The following PDE11A variants were observed in gnomAD, a reference collection of about 807,000 sequenced individuals.
The protein encoded by PDE11A is dual 3',5'-cyclic-AMP and -GMP phosphodiesterase 11A.
Under a neutral mutation model 100.5 loss-of-function variants are expected in PDE11A, and 100 were observed. The observed-to-expected ratio is 1.00, with a 90% CI of 0.85 to 1.18. The LOEUF (loss-of-function observed/expected upper bound fraction) is 1.18. Among genes scored for constraint, PDE11A ranks in the 50% most tolerant of loss-of-function variants. The pLI is 0.00. For missense variants in PDE11A, 1,141 were observed against 1,152.6 expected, an observed-to-expected ratio of 0.99 and a Z score of 0.15; for synonymous variants, 381 against 420.8, an observed-to-expected ratio of 0.91 and a Z score of 1.16.
chr2:178,061,896 T>G (rs951876521), intron 1 of PDE11A, among the ~76,000 whole-genome samples: 3 of 152,228 alleles, frequency 2.0e-5, no homozygotes, highest in African/African-American at 7.2e-5. Context: ...TGAAACATTC[T>G]TATAATGACA....
chr2:177,829,695 G>A (rs1054273308), intron 6 of PDE11A, among the ~76,000 whole-genome samples: 28 of 150,600 alleles, frequency 1.9e-4, no homozygotes, highest in Admixed American at 1.6e-3. Flanking sequence ...CTTGTGATCC[G>A]CCTGCCTCGG....
At chr2:178,105,885 A>G in intron 1 of PDE11A, 1 of 298,276 alleles carries the variant, frequency 3.4e-6, no homozygotes, top group Non-Finnish European at 6.2e-6. Context: ...ACTTTAATAT[A>G]GTAAGGAATA....
chr2:177,933,314 T>C (rs1376602712), intron 2 of PDE11A, among the ~76,000 whole-genome samples: 1 of 152,110 alleles, frequency 6.6e-6, no homozygotes, highest in Middle Eastern at 3.2e-3. Flanking sequence ...TTTCATAGAA[T>C]TGGAAAAAAC....
chr2:177,767,671 A>G (rs2082258529), intron 10 of PDE11A, among the ~76,000 whole-genome samples: 1 of 152,056 alleles, frequency 6.6e-6, no homozygotes, highest in Non-Finnish European at 1.5e-5. Context: ...ATATAAAATA[A>G]TTATATATTA....
chr2:177,967,731 C>A (rs377718890), intron 2 of PDE11A, among the ~76,000 whole-genome samples: 2 of 151,980 alleles, frequency 1.3e-5, no homozygotes, highest in African/African-American at 4.8e-5. Flanking sequence ...ATATGTGTGT[C>A]AAACTATACT....
intron 10 of PDE11A, among the ~76,000 whole-genome samples, chr2:177,735,375 G>T (rs2105456841): frequency 6.6e-6 from 1 of 150,820 alleles, no homozygotes; most frequent in East Asian, 2.0e-4. Context: ...GCCTACCCAA[G>T]AAGAAAGAAA....
intron 10 of PDE11A, among the ~76,000 whole-genome samples, chr2:177,736,205 C>T (rs1022677858): frequency 4.6e-5 from 7 of 151,920 alleles, no homozygotes; most frequent in East Asian, 1.9e-4. Flanking sequence ...GACGTGCTCC[C>T]GGGGGAGATA....
intron 2 of PDE11A, among the ~76,000 whole-genome samples, chr2:177,960,395 G>A (rs939818864): frequency 2.6e-5 from 4 of 151,842 alleles, no homozygotes; most frequent in African/African-American, 4.8e-5. Flanking sequence ...CAACTACATC[G>A]TAGAATTAAT....
rs546528646 is a variant in PDE11A, at chr2:178,084,824, C to A, written c.162+19478G>T. Reference sequence around the variant, plus strand: ...TGACAAACTATTGTCATGTGACTTGCATTCCTCCTTCAGGGAAAGTATACC... The same window carrying A: ...TGACAAACTATTGTCATGTGACTTGAATTCCTCCTTCAGGGAAAGTATACC... On this transcript the variant is annotated intron_variant, in intron 2 of 20. Coordinates refer to the PDE11A transcript ENST00000358450. Among the ~76,000 whole-genome samples, 6 of 151,848 alleles carry A rather than the reference C, an allele frequency of 4.0e-5. No homozygotes were observed. In the South Asian group the frequency reaches 8.3e-4, roughly 21 times the overall value.
chr2:177,824,619 T>C (rs964119956), intron 6 of PDE11A, among the ~76,000 whole-genome samples: 1 of 152,236 alleles, frequency 6.6e-6, no homozygotes, highest in African/African-American at 2.4e-5. Flanking sequence ...GAATTTATCC[T>C]GTGGTAATTA....
chr2:177,933,566 A>C (rs919826413), intron 2 of PDE11A, among the ~76,000 whole-genome samples: 2 of 152,148 alleles, frequency 1.3e-5, no homozygotes, highest in African/African-American at 4.8e-5. Context: ...CTATAGTCTC[A>C]GCTACTCCAG....
At chr2:177,924,670 A>G (rs2085101284) in intron 2 of PDE11A, among the ~76,000 whole-genome samples, 2 of 152,088 alleles carry the variant, frequency 1.3e-5, no homozygotes, top group South Asian at 4.1e-4. Context: ...ACATACACAC[A>G]AATATATATC....
chr2:177,846,257 C>A (rs1438051), intron 5 of PDE11A, among the ~76,000 whole-genome samples: 82,926 of 152,000 alleles, frequency 0.55, 24,639 homozygotes, highest in East Asian at 0.74. Flanking sequence ...AGGAAAACTT[C>A]CTTGGTAAAA....
At chr2:178,097,134 C>A (rs1008883626) in intron 2 of PDE11A, among the ~76,000 whole-genome samples, 1 of 152,312 alleles carries the variant, frequency 6.6e-6, no homozygotes, top group Non-Finnish European at 1.5e-5. Context: ...GATCCACCTG[C>A]CTTGGCCTCC....
chr2:177,652,360 AGAG>A (rs1341796209), intron 19 of PDE11A, among the ~76,000 whole-genome samples: 2 of 152,110 alleles, frequency 1.3e-5, no homozygotes, highest in Non-Finnish European at 2.9e-5. Flanking sequence ...TTGCATGGGG[AGAG>A]GAGGGGAAGG....
At chr2:177,724,970 T>TC (rs1304573242) in intron 12 of PDE11A, among the ~76,000 whole-genome samples, 6 of 151,876 alleles carry the variant, frequency 4.0e-5, no homozygotes, top group Non-Finnish European at 8.8e-5. Context: ...CTTTCTTTTT[T>TC]CCCCCCAGAT....
At chr2:177,905,536 C>A (rs1039896897) in intron 2 of PDE11A, among the ~76,000 whole-genome samples, 4 of 152,080 alleles carry the variant, frequency 2.6e-5, no homozygotes, top group African/African-American at 9.7e-5. Flanking sequence ...TGTGATATAC[C>A]TGGAATTTAA....
At chr2:177,805,655 G>C (rs1195835509) in intron 9 of PDE11A, among the ~76,000 whole-genome samples, 4 of 152,152 alleles carry the variant, frequency 2.6e-5, no homozygotes, top group Admixed American at 6.6e-5. Context: ...AATTCAAGGA[G>C]AGGGATAGAT....
chr2:177,896,240 C>T (rs145408586), intron 4 of PDE11A, among the ~76,000 whole-genome samples: 15 of 152,280 alleles, frequency 9.9e-5, no homozygotes, highest in African/African-American at 3.6e-4. Flanking sequence ...CATGAAGATA[C>T]TGCTGTTTCT....
Sources: allele counts gnomAD v4.1 joint callset (sites outside exome capture counted in the v4.1 genomes callset), GRCh38; gene constraint gnomAD v4.1.1; transcripts MANE v1.5; gene names NCBI Gene and HGNC (gene_info 2026-07-23, HGNC 2026-07-21).